RNF207: variants seen among roughly 807,000 people sequenced by gnomAD.
The protein encoded by RNF207 is ring finger protein 207.
RNF207 carries 72 observed loss-of-function variants against 79.0 expected under a neutral mutation model. The observed-to-expected ratio is 0.91, with a 90% CI of 0.75 to 1.11. RNF207 has a LOEUF of 1.11. RNF207 is among the 50% of genes least tolerant of loss of function. The pLI, the probability that RNF207 is intolerant of heterozygous loss-of-function variation, is 0.00. For synonymous variants in RNF207, 348 were observed against 366.2 expected (o/e 0.95, Z 0.57); for missense variants, 936 against 855.8 (o/e 1.09, Z -1.17).
intron 17 of RNF207, among the ~76,000 whole-genome samples, chr1:6,218,872 G>A (rs957497752): frequency 3.7e-4 from 57 of 152,298 alleles, no homozygotes; most frequent in African/African-American, 1.3e-3. Flanking sequence ...GAGCCTAGGG[G>A]TGTGCAGAGG....
chr1:6,213,044 T>C lies in RNF207; in HGVS notation c.1535-22T>C, dbSNP rs757381988. Reference sequence around the variant, plus strand: ...CAGATGCTTCAGGATTAAGACCCCATGCTCTGGCCTTGGCCCCACAGCCCA... The same window carrying C: ...CAGATGCTTCAGGATTAAGACCCCACGCTCTGGCCTTGGCCCCACAGCCCA... On this transcript the variant is annotated intron_variant, in intron 15 of 17. Transcript: ENST00000377939. 4.7e-6 allele frequency: 7 copies of C among 1,499,144 alleles called. No homozygotes were observed. The South Asian group carries it at 8.0e-5, about 17-fold the overall frequency. The allele number at this position is 1,499,144 out of a possible 1,614,324, so 92.9% of individuals were successfully genotyped here.
Position 6,211,176 on chromosome 1 carries a change from G to T in RNF207, c.1109+58G>T. On this transcript the variant is annotated intron_variant, in intron 12 of 17. Transcript: ENST00000377939. This position sits in a 1 kb window ranked among gnomAD's most constrained non-coding sequence, Gnocchi z 4.2. ...TCCCCAACACTGGGGTGTGGGGGAG[G>T]GTGGGCGCTGAGGGGCCAGATCGCC... The T allele has an allele frequency of 8.0e-7, 1 of 1,249,944 alleles. No homozygotes were observed. The highest frequency in any genetic ancestry group is 1.1e-6 in the Non-Finnish European group (1 of 901,134). The allele number at this position is 1,249,944 out of a possible 1,614,324, so 77.4% of individuals were successfully genotyped here.
chr1:6,212,610 G>A, intron 14 of RNF207, 72 bp from the exon 15 acceptor site: 2 of 1,390,938 alleles, frequency 1.4e-6, no homozygotes, highest in Non-Finnish European at 1.0e-6. Flanking sequence ...GATCTGAGTA[G>A]CTAGAGATAG....
chr1:6,208,967 C>G lies in RNF207; in HGVS notation c.411C>G (p.Phe137Leu), dbSNP rs1245333009. The G allele has an allele frequency of 6.5e-7, 1 of 1,536,926 alleles. No individual in the cohort carries two copies. Residue 137 changes from phenylalanine to leucine, a missense_variant, in exon 4 of 18, where the codon TTC (phenylalanine) becomes TTG (leucine). By Grantham distance (22) the Phe-to-Leu change is conservative. Transcript: ENST00000377939. ...ACGAGACGCACCGAGCACGCATGTT[C>G]GCGCGCCACGACATCGTGGCCCTGG... ...CRDETHRARM[F>L]ARHDIVALGQ...
chr1:6,208,529 G>A (rs914777042), intron 3 of RNF207: 26 of 251,552 alleles, frequency 1.0e-4, no homozygotes, highest in Non-Finnish European at 1.8e-4. Context: ...ATGTTGGCCA[G>A]CTCCTGACCT....
chr1:6,212,861 C>G (rs1014699634), intron 15 of RNF207, 128 bp downstream of exon 15: 4 of 877,702 alleles, frequency 4.6e-6, no homozygotes, highest in East Asian at 2.4e-5. Flanking sequence ...AGCGCTTGAC[C>G]GTGCCTCCCA....
Position 6,217,555 on chromosome 1 carries a change from C to G in RNF207, c.1653-734C>G, listed in dbSNP as rs1314833450. Among the ~76,000 whole-genome samples the G allele has an allele frequency of 6.6e-6, 1 of 152,224 alleles. No homozygotes were observed. The highest frequency in any genetic ancestry group is 1.5e-5 in the Non-Finnish European group (1 of 68,046). On this transcript the variant is annotated intron_variant, in intron 16 of 17. Coordinates refer to ENST00000377939, the MANE Select transcript of RNF207 (RefSeq NM_207396.3). This position sits in a 1 kb window ranked among gnomAD's most constrained non-coding sequence, Gnocchi z 4.2. ...AGACATGCTATTCCCATCTCCCCAT[C>G]TCAGTGAATAGCACCACATTCACTC...
rs1230001219 is a variant in RNF207, at chr1:6,212,309, A to T, written c.1375A>T (p.Ile459Phe). The T allele has an allele frequency of 5.0e-6, 8 of 1,613,464 alleles. No homozygotes were observed. The highest frequency in any genetic ancestry group is 6.8e-6 in the Non-Finnish European group (8 of 1,179,638). ...HRDLTKHHSL[I>F]KAEIMGDVLH... ...AGACCTCACCAAGCACCACTCGCTC[A>T]TCAAGGCGGAGATCATGGGAGACGT... The change falls in exon 14 of 18, where the codon ATC becomes TTC. Residue 459 changes from isoleucine to phenylalanine, a missense_variant. Ile to Phe is a conservative substitution (Grantham distance 21). Coordinates refer to ENST00000377939, the MANE Select transcript of RNF207 (RefSeq NM_207396.3).
rs751574698 is a variant in RNF207 at position 6,209,503 on chromosome 1, G to A, written c.717G>A (p.Glu239=). ...AGGTGCGGCACAGCGCCGCCGAGGA[G>A]GAGGACGCTATCCACGCCCTCTTCG... is the stretch of plus-strand genomic sequence containing the variant. The part of the protein sequence containing the change: ...VEEVRHSAAE[E]EDAIHALFGS... The change falls in exon 7 of 18, where the codon GAG becomes GAA. Residue 239 remains glutamate (E), a synonymous_variant. Transcript: ENST00000377939. The A allele has an allele frequency of 9.5e-6, 14 of 1,477,188 alleles. No individual in the cohort carries two copies. In the East Asian group the frequency reaches 3.0e-4, roughly 32 times the overall value. 91.5% of individuals were successfully genotyped at this position (1,477,188 alleles called of 1,614,324 possible). A position where few individuals can be genotyped will look rare whatever the true frequency, so the allele number is the denominator to read the frequency against.
intron 2 of RNF207, 84 bp downstream of exon 2, chr1:6,206,810 G>C: frequency 8.5e-7 from 1 of 1,170,334 alleles, no homozygotes; most frequent in Non-Finnish European, 1.2e-6. Context: ...GGACCCAGGT[G>C]CCAGGAGAGT....
Position 6,219,523 on chromosome 1 carries a change from C to G in RNF207, c.*116C>G. On this transcript the variant is annotated 3_prime_UTR_variant, in exon 18 of 18. Transcript: ENST00000377939. The stretch of plus-strand genomic sequence containing the variant: ...ATTTTTTATTTTTGAGATGGAGTTT[C>G]GCTCTGTTGCCCAGGCTGGAGTGTA... The G allele has an allele frequency of 2.7e-6, 2 of 729,204 alleles. No individual in the cohort carries two copies. The highest frequency in any genetic ancestry group is 4.3e-6 in the Non-Finnish European group (2 of 466,930). The allele number at this position is 729,204 out of a possible 1,614,324, so 45.2% of individuals were successfully genotyped here. A position where few individuals can be genotyped will look rare whatever the true frequency, so the allele number is the denominator to read the frequency against.
At position 6,207,251 on chromosome 1, in the gene RNF207, C is replaced by T. The variant is rs12070308; in HGVS notation, c.192-128C>T. 0.031 allele frequency: 29,385 copies of T among 936,174 alleles called. 884 individuals are homozygous for T. The highest frequency in any genetic ancestry group is 0.13 in the African/African-American group (8,055 of 60,284). 58.0% of individuals were successfully genotyped at this position (936,174 alleles called of 1,614,324 possible). ...TGCTGGCTGTGATATTTATAGCAGA[C>T]CCCAGAGCTGTGGTGCACCCCACCT... On this transcript the variant is annotated intron_variant, in intron 2 of 17. Coordinates refer to ENST00000377939, the MANE Select transcript of RNF207 (RefSeq NM_207396.3). This position sits in a 1 kb window ranked among gnomAD's most constrained non-coding sequence, Gnocchi z 4.5.
intron 7 of RNF207, 95 bp downstream of exon 7, chr1:6,209,634 A>C (rs1177147713): frequency 2.2e-6 from 3 of 1,347,046 alleles, no homozygotes; most frequent in Non-Finnish European, 2.9e-6. Flanking sequence ...GTAGTGGGGC[A>C]GCAGGCCTTG....
intron 14 of RNF207, 123 bp downstream of exon 14, chr1:6,212,539 C>A: frequency 8.0e-7 from 1 of 1,250,384 alleles, no homozygotes. Context: ...GTGGCAGGGT[C>A]TGGAAACTGG....
Position 6,213,382 on chromosome 1 carries a change from A to G in RNF207, c.1652+199A>G, listed in dbSNP as rs563756583. Among the ~76,000 whole-genome samples the G allele has an allele frequency of 3.3e-5, 5 of 151,088 alleles. No homozygotes were observed. The South Asian group carries it at 6.4e-4, about 19-fold the overall frequency. ...CTAAAAATACAAAAATCAGCCATGC[A>G]TGGTGGCTCATGCCTGTAATCCCAG... On this transcript the variant is annotated intron_variant, in intron 16 of 17. Coordinates refer to ENST00000377939, the MANE Select transcript of RNF207 (RefSeq NM_207396.3).
At chr1:6,206,794 G>A in intron 2 of RNF207, 68 bp downstream of exon 2, 1 of 1,370,720 alleles carries the variant, frequency 7.3e-7, no homozygotes, top group Non-Finnish European at 1.0e-6. Context: ...GGCTCTGCCC[G>A]AGCTGGGACC....
chr1:6,212,027 T>C lies in RNF207; in HGVS notation c.1270T>C (p.Cys424Arg). 1 of 1,594,880 alleles carries C rather than the reference T, an allele frequency of 6.3e-7. No individual in the cohort carries two copies. The change falls in exon 13 of 18, where the codon TGC becomes CGC. Residue 424 changes from cysteine (C) to arginine (R), a missense_variant. By Grantham distance (180) the Cys-to-Arg change is radical. Transcript: ENST00000377939. ...EGENTPFAEHCRHYEDSYRHL... is the reference protein window; with the variant it reads ...EGENTPFAEHRRHYEDSYRHL... ...CGAGAACACGCCCTTCGCAGAGCAC[T>C]GCCGCCACTATGAGGACTCCTACCG...
At position 6,207,882 on chromosome 1, in the gene RNF207, A is replaced by G; in HGVS notation, c.324+371A>G. The G allele has an allele frequency of 2.4e-6, 1 of 413,044 alleles. No homozygotes were observed. Among genetic ancestry groups the G allele is most frequent in the Non-Finnish European group, 4.7e-6 (1 of 211,250 alleles). 25.6% of individuals were successfully genotyped at this position (413,044 alleles called of 1,614,324 possible). On this transcript the variant is annotated intron_variant, in intron 3 of 17. Coordinates refer to ENST00000377939, the MANE Select transcript of RNF207 (RefSeq NM_207396.3). This position sits in a 1 kb window ranked among gnomAD's most constrained non-coding sequence, Gnocchi z 4.5. ...AGTGGCATAGAAGCAGCTACAGCCC[A>G]GGGGAGGTGGGGACAGCATGCTGTT...
chr1:6,219,120 A>T, intron 17 of RNF207, 116 bp from the exon 18 acceptor site: 1 of 877,970 alleles, frequency 1.1e-6, no homozygotes, highest in Non-Finnish European at 1.7e-6. Flanking sequence ...GTTCTCACTC[A>T]CTGAGGCCTT....
Sources: allele counts gnomAD v4.1 joint callset (sites outside exome capture counted in the v4.1 genomes callset), GRCh38; gene constraint gnomAD v4.1.1; non-coding constraint Gnocchi (gnomAD v3.1); transcripts MANE v1.5; gene names NCBI Gene and HGNC (gene_info 2026-07-23, HGNC 2026-07-21).